Variants in WDSUB1 observed in about 807,000 individuals in gnomAD.
WDSUB1 encodes the protein WD repeat, SAM and U-box domain-containing protein 1.
In WDSUB1, 49 loss-of-function variants were observed where a neutral mutation model predicts 53.9. That is an observed-to-expected ratio of 0.91 (90% confidence interval 0.72 to 1.15). WDSUB1 has a LOEUF of 1.15. WDSUB1 is among the 50% of genes most tolerant of loss of function. The probability of loss-of-function intolerance (pLI) is 0.00; values close to 1 mark genes in which losing one functional copy is unlikely to be tolerated. For missense variants in WDSUB1, 514 were observed against 562.0 expected (o/e 0.91, Z 0.86); for synonymous variants, 194 against 200.6 (o/e 0.97, Z 0.28).
In WDSUB1 at chr2:159,279,745, G is replaced by T. The variant is rs377199447; in HGVS notation, c.583+16C>A. The T allele has an allele frequency of 9.4e-5, 150 of 1,589,988 alleles. No homozygotes were observed. The highest frequency in any genetic ancestry group is 1.2e-4 in the Non-Finnish European group (143 of 1,168,158). On this transcript the variant is annotated intron_variant, in intron 3 of 10. Coordinates refer to ENST00000359774, the MANE Select transcript of WDSUB1 (RefSeq NM_001128212.3). ...AAATAGGAATTTCTAGTGCTTAAAA[G>T]AATAAAATAACCAACCAGAAACTGG...
chr2:159,285,911 C>T (rs771975892), intron 1 of WDSUB1, among the ~76,000 whole-genome samples: 3 of 152,160 alleles, frequency 2.0e-5, no homozygotes, highest in Non-Finnish European at 4.4e-5. Context: ...GCTCGCAAAT[C>T]CCAGCTGTGC....
At chr2:159,258,011 A>C in intron 6 of WDSUB1, 26 bp from the exon 7 acceptor site, 6 of 1,606,566 alleles carry the variant, frequency 3.7e-6, no homozygotes, top group Non-Finnish European at 5.1e-6. Flanking sequence ...AACAGCTTTA[A>C]ATTTACTCAA....
intron 5 of WDSUB1, among the ~76,000 whole-genome samples, chr2:159,260,256 G>A (rs1031438087): frequency 1.3e-5 from 2 of 152,130 alleles, no homozygotes; most frequent in African/African-American, 2.4e-5. Flanking sequence ...AATGAGCCAA[G>A]ATCATGCCAC....
rs779617104 is a variant in WDSUB1 at position 159,256,377 on chromosome 2, T to C, written c.953-2A>G. On this transcript the variant is annotated splice_acceptor_variant, in intron 8 of 10. Coordinates refer to ENST00000359774, the MANE Select transcript of WDSUB1 (RefSeq NM_001128212.3). LOFTEE classifies it high-confidence loss of function. ...TCAGCTGATGTTCTGTGCGCCTTGC[T>C]TAAAATAAACAAACAAGTAAGTGAG... is the stretch of plus-strand genomic sequence containing the variant. 1 of 1,603,352 alleles carries C rather than the reference T, an allele frequency of 6.2e-7. No homozygotes were observed. Among genetic ancestry groups the C allele is most frequent in the Non-Finnish European group, 8.5e-7 (1 of 1,177,192 alleles).
intron 10 of WDSUB1, among the ~76,000 whole-genome samples, chr2:159,246,608 C>A (rs754412712): frequency 6.6e-6 from 1 of 152,076 alleles, no homozygotes; most frequent in South Asian, 2.1e-4. Context: ...TTTAAACATT[C>A]GCTTATCGTA....
intron 9 of WDSUB1, among the ~76,000 whole-genome samples, chr2:159,255,508 G>T (rs1374143528): frequency 6.6e-6 from 1 of 150,720 alleles, no homozygotes; most frequent in Admixed American, 6.6e-5. Flanking sequence ...ATTAAATAAA[G>T]AAAAGTGACT....
At chr2:159,286,416 G>C (rs1048900453) in intron 1 of WDSUB1, 167 bp downstream of exon 1, 1 of 152,390 alleles carries the variant, frequency 6.6e-6, no homozygotes, top group African/African-American at 2.4e-5. Context: ...CCCGGGCCAA[G>C]GGTGCACGAA....
At chr2:159,270,287 A>G (rs1162534495) in intron 5 of WDSUB1, among the ~76,000 whole-genome samples, 3 of 152,356 alleles carry the variant, frequency 2.0e-5, no homozygotes, top group Admixed American at 1.3e-4. Context: ...TACAAGACCA[A>G]TATCATAAAG....
chr2:159,236,594 G>C (rs1277439104), intron 10 of WDSUB1, among the ~76,000 whole-genome samples: 1 of 152,146 alleles, frequency 6.6e-6, no homozygotes, highest in African/African-American at 2.4e-5. Flanking sequence ...CAGGAAAACA[G>C]GTACCCAGAG....
intron 1 of WDSUB1, among the ~76,000 whole-genome samples, chr2:159,285,974 C>T (rs1439339206): frequency 6.6e-6 from 1 of 152,114 alleles, no homozygotes; most frequent in Non-Finnish European, 1.5e-5. Flanking sequence ...CCCTCTGCCG[C>T]ACTCAGCTCC....
At chr2:159,240,702 G>T (rs2060621844) in intron 10 of WDSUB1, among the ~76,000 whole-genome samples, 1 of 152,136 alleles carries the variant, frequency 6.6e-6, no homozygotes, top group Admixed American at 6.5e-5. Context: ...GGAAACTGAG[G>T]TATGGCCTGA....
At position 159,248,468 on chromosome 2, in the gene WDSUB1, G is replaced by A; in HGVS notation, c.1177C>T (p.Leu393Phe). The A allele has an allele frequency of 1.3e-6, 2 of 1,583,372 alleles. No homozygotes were observed. The change falls in exon 10 of 11, where the codon CTC (leucine) becomes TTC (phenylalanine). Residue 393 changes from leucine to phenylalanine, a missense_variant. Coordinates refer to ENST00000359774, the MANE Select transcript of WDSUB1 (RefSeq NM_001128212.3). The stretch of plus-strand genomic sequence containing the variant: ...GAAAGGGATTTAACCTTGGTCCTGA[G>A]CTCTTCAATTTTCCTCAGCACTTTA... ...RSKVLRKIEE[L>F]RTKVKSLSSG... is the part of the protein sequence containing the mutation.
chr2:159,245,119 G>A (rs2060763107), intron 10 of WDSUB1, among the ~76,000 whole-genome samples: 1 of 152,096 alleles, frequency 6.6e-6, no homozygotes, highest in African/African-American at 2.4e-5. Context: ...GAAAATCCGG[G>A]CAAGGAAACT....
rs148224083 is a variant in WDSUB1 at position 159,245,135 on chromosome 2, A to G, written c.1273+3237T>C. Among the ~76,000 whole-genome samples, 347 of 152,310 alleles carry G rather than the reference A, an allele frequency of 2.3e-3. 1 individual carries two copies. The highest frequency in any genetic ancestry group is 8.0e-3 in the African/African-American group (334 of 41,560). On this transcript the variant is annotated intron_variant, in intron 10 of 10. Transcript: ENST00000359774. ...AAAATCCGGGCAAGGAAACTGAGAAAGTGTTTCTAAGATCTATGTGGAAAT... is the reference window on the plus strand; with the variant it reads ...AAAATCCGGGCAAGGAAACTGAGAAGGTGTTTCTAAGATCTATGTGGAAAT...
intron 9 of WDSUB1, among the ~76,000 whole-genome samples, chr2:159,255,942 C>G (rs2061052802): frequency 6.6e-6 from 1 of 152,150 alleles, no homozygotes; most frequent in Non-Finnish European, 1.5e-5. Flanking sequence ...GGCAATGGAT[C>G]TGATCAGACA....
chr2:159,241,719 CTTTT>C (rs527377114), intron 10 of WDSUB1, among the ~76,000 whole-genome samples: 1 of 130,332 alleles, frequency 7.7e-6, no homozygotes, highest in Non-Finnish European at 1.6e-5. Context: ...TTTCTTTTTT[CTTTT>C]TTTTTTTGAG....
Position 159,279,783 on chromosome 2 carries a change from A to G in WDSUB1, c.561T>C (p.Asp187=). The part of the protein sequence containing the change: ...KAHDLGITCC[D]FSSQPVSDGE... ...AACCAGAAACTGGCTGTGAAGAAAA[A>G]TCGCAGCAGGTAATTCCAAGATCAT... The change falls in exon 3 of 11, where the codon GAT becomes GAC. Residue 187 remains aspartate, a synonymous_variant. Coordinates refer to ENST00000359774, the MANE Select transcript of WDSUB1 (RefSeq NM_001128212.3). The G allele has an allele frequency of 6.2e-7, 1 of 1,604,268 alleles. No individual in the cohort carries two copies. Among genetic ancestry groups the G allele is most frequent in the Non-Finnish European group, 8.5e-7 (1 of 1,174,682 alleles).
intron 4 of WDSUB1, among the ~76,000 whole-genome samples, chr2:159,274,890 A>G (rs1387435632): frequency 6.6e-6 from 1 of 152,254 alleles, no homozygotes; most frequent in Non-Finnish European, 1.5e-5. Context: ...TATAAAGGAC[A>G]CTATGAAAAG....
At chr2:159,240,161 G>C (rs1377147921) in intron 10 of WDSUB1, among the ~76,000 whole-genome samples, 2 of 152,120 alleles carry the variant, frequency 1.3e-5, no homozygotes, top group Non-Finnish European at 2.9e-5. Context: ...TGCAGCCTTT[G>C]GTATAGGGCT....
Sources: allele counts gnomAD v4.1 joint callset (sites outside exome capture counted in the v4.1 genomes callset), GRCh38; gene constraint gnomAD v4.1.1; transcripts MANE v1.5; gene names NCBI Gene and HGNC (gene_info 2026-07-23, HGNC 2026-07-21).